CSMD1: variants seen among roughly 807,000 people sequenced by gnomAD.
The protein encoded by CSMD1 is CUB and sushi domain-containing protein 1.
In CSMD1, 213 loss-of-function variants were observed where a neutral mutation model predicts 417.5. The ratio of observed to expected loss-of-function variants is 0.51; its 90% confidence interval spans 0.46 to 0.57. The LOEUF (loss-of-function observed/expected upper bound fraction) is 0.57. CSMD1 is among the 20% of genes least tolerant of loss of function. The pLI is 0.00. For synonymous variants in CSMD1, 2,862 were observed against 1,736.8 expected (o/e 1.65, Z -16.11); for missense variants, 6,923 against 4,529.7 (o/e 1.53, Z -15.17).
In CSMD1 at chr8:3,578,253, G is replaced by C. The variant is rs115829443; in HGVS notation, c.1223-3187C>G. Among the ~76,000 whole-genome samples the C allele has an allele frequency of 7.9e-3, 1,203 of 152,270 alleles. 12 individuals carry two copies. Among genetic ancestry groups the C allele is most frequent in the African/African-American group, 0.028 (1,144 of 41,536 alleles). ...AGAGTTAGAGAAGAAAATGGGACAG[G>C]CTGAGAAAGAAGAGATGACCCAGGG... On this transcript the variant is annotated intron_variant, in intron 9 of 69. Transcript: ENST00000635120.
intron 7 of CSMD1, among the ~76,000 whole-genome samples, chr8:3,644,989 A>AAAAAAAAAAAAAAAAAAAAG (rs1797507392): frequency 6.6e-6 from 1 of 151,500 alleles, no homozygotes; most frequent in African/African-American, 2.4e-5. Flanking sequence ...AAAAAAAAAA[A>AAAAAAAAAAAAAAAAAAAAG]AAGTCAATTG....
At chr8:4,533,267 G>A (rs1003696845) in intron 2 of CSMD1, among the ~76,000 whole-genome samples, 4 of 152,126 alleles carry the variant, frequency 2.6e-5, no homozygotes, top group Non-Finnish European at 2.9e-5. Context: ...AGAGACGGCC[G>A]CTTGCTCCCA....
intron 21 of CSMD1, among the ~76,000 whole-genome samples, chr8:3,349,787 AAATAT>A (rs1808270987): frequency 1.0e-5 from 1 of 98,258 alleles, no homozygotes; most frequent in Non-Finnish European, 2.1e-5. Flanking sequence ...GTCTAAATAT[AAATAT>A]ATCTATAAAT....
intron 7 of CSMD1, among the ~76,000 whole-genome samples, chr8:3,617,661 A>G (rs1802208773): frequency 6.6e-6 from 1 of 152,192 alleles, no homozygotes; most frequent in Admixed American, 6.5e-5. Flanking sequence ...ATTTTCCTAT[A>G]ATCCAAGGAT....
At chr8:3,578,943 G>A (rs1017858570) in intron 9 of CSMD1, among the ~76,000 whole-genome samples, 3 of 152,186 alleles carry the variant, frequency 2.0e-5, no homozygotes, top group Admixed American at 6.5e-5. Context: ...GTAGACGCAC[G>A]TTTACACAAA....
intron 3 of CSMD1, among the ~76,000 whole-genome samples, chr8:4,156,712 G>C (rs182323870): frequency 3.3e-5 from 5 of 152,150 alleles, no homozygotes; most frequent in Non-Finnish European, 7.3e-5. Flanking sequence ...AAGAGACTAT[G>C]TGCAGTTTGC....
At chr8:3,495,772 T>G (rs1796338457) in intron 10 of CSMD1, among the ~76,000 whole-genome samples, 1 of 152,214 alleles carries the variant, frequency 6.6e-6, no homozygotes, top group African/African-American at 2.4e-5. Flanking sequence ...TTTCAAGTTG[T>G]GAGCAACTTT....
At chr8:3,541,746 A>ATATAT (rs1554461819) in intron 10 of CSMD1, among the ~76,000 whole-genome samples, 9 of 140,640 alleles carry the variant, frequency 6.4e-5, no homozygotes, top group African/African-American at 2.2e-4. Context: ...ATATTATATA[A>ATATAT]ATATATATAA....
At chr8:4,639,902 TA>T (rs1394499785) in intron 1 of CSMD1, among the ~76,000 whole-genome samples, 1 of 152,100 alleles carries the variant, frequency 6.6e-6, no homozygotes, top group Non-Finnish European at 1.5e-5. Context: ...AGTCCAATAA[TA>T]ACACTGTAAC....
chr8:4,904,925 C>T (rs899858769), intron 1 of CSMD1, among the ~76,000 whole-genome samples: 1 of 152,142 alleles, frequency 6.6e-6, no homozygotes, highest in Non-Finnish European at 1.5e-5. Context: ...CTGTAGAATA[C>T]TGTCCAGGGC....
chr8:4,311,662 G>A (rs1300544541), intron 3 of CSMD1, among the ~76,000 whole-genome samples: 1 of 150,502 alleles, frequency 6.6e-6, no homozygotes, highest in Non-Finnish European at 1.5e-5. Context: ...GGCAGAGGCT[G>A]CAGTGAGCCG....
At chr8:3,755,133 A>C (rs535250743) in intron 5 of CSMD1, among the ~76,000 whole-genome samples, 1 of 152,316 alleles carries the variant, frequency 6.6e-6, no homozygotes, top group South Asian at 2.1e-4. Context: ...CAAGATATTA[A>C]AGCTCCTGCC....
intron 12 of CSMD1, among the ~76,000 whole-genome samples, chr8:3,447,842 G>A (rs955986583): frequency 6.6e-6 from 1 of 152,106 alleles, no homozygotes; most frequent in African/African-American, 2.4e-5. Context: ...TGAGATGGAG[G>A]CCATCGGAGG....
Position 4,082,437 on chromosome 8 carries a change from T to C in CSMD1, c.416-50338A>G, listed in dbSNP as rs191042333. 2.2e-3 allele frequency among the ~76,000 whole-genome samples: 332 copies of C among 152,022 alleles called. 1 individual carries two copies. Among genetic ancestry groups the C allele is most frequent in the Admixed American group, 6.6e-3 (100 of 15,260 alleles). ...AGTATTTTAAGAAATCTTTTGAAAA[T>C]AGAGGAAGGGCAAAGATTGCCTAAG... On this transcript the variant is annotated intron_variant, in intron 3 of 69. Coordinates refer to ENST00000635120, the MANE Select transcript of CSMD1 (RefSeq NM_033225.6).
intron 3 of CSMD1, among the ~76,000 whole-genome samples, chr8:4,092,949 G>A (rs1800797204): frequency 6.6e-6 from 1 of 151,944 alleles, no homozygotes; most frequent in African/African-American, 2.4e-5. Context: ...TACTCTTCCT[G>A]TCACTCCTCT....
Position 4,152,838 on chromosome 8 carries a change from G to A in CSMD1, c.416-120739C>T, listed in dbSNP as rs537148028. Among the ~76,000 whole-genome samples the A allele has an allele frequency of 4.6e-5, 7 of 152,282 alleles. No individual in the cohort carries two copies. In the East Asian group the frequency reaches 1.4e-3, roughly 29 times the overall value. The stretch of plus-strand genomic sequence containing the variant: ...TATAGTGAGAGAGTAGGGAATGTAT[G>A]TATGTGCATGTGTATTTATGGAGAA... On this transcript the variant is annotated intron_variant, in intron 3 of 69. Coordinates refer to ENST00000635120, the MANE Select transcript of CSMD1 (RefSeq NM_033225.6).
At chr8:3,290,949 T>A (rs561810259) in intron 25 of CSMD1, among the ~76,000 whole-genome samples, 1 of 152,204 alleles carries the variant, frequency 6.6e-6, no homozygotes, top group African/African-American at 2.4e-5. Context: ...CAGTATGATA[T>A]TGGCTGTGGG....
intron 5 of CSMD1, among the ~76,000 whole-genome samples, chr8:3,993,194 C>T (rs886971167): frequency 6.6e-6 from 1 of 152,188 alleles, no homozygotes; most frequent in Non-Finnish European, 1.5e-5. Context: ...TTAGGATATA[C>T]AGCAACTCTC....
At chr8:3,383,348 T>C (rs1288208419) in intron 18 of CSMD1, among the ~76,000 whole-genome samples, 1 of 152,170 alleles carries the variant, frequency 6.6e-6, no homozygotes, top group Non-Finnish European at 1.5e-5. Flanking sequence ...TTCATTACTC[T>C]GAACGGAGGG....
Sources: gnomAD v4.1 joint callset for allele counts (sites outside exome capture counted in the v4.1 genomes callset) on GRCh38, gnomAD v4.1.1 for gene constraint, MANE v1.5 for transcripts, NCBI Gene and HGNC (gene_info 2026-07-23, HGNC 2026-07-21) for gene names.